TSNARE1: variants seen among roughly 807,000 people sequenced by gnomAD.
TSNARE1 encodes t-SNARE domain-containing protein 1.
TSNARE1 carries 49 observed loss-of-function variants against 62.0 expected under a neutral mutation model. The observed-to-expected ratio is 0.79, with a 90% CI of 0.63 to 1.00. The LOEUF is 1.00. Among genes scored for constraint, TSNARE1 ranks in the 50% least tolerant of loss-of-function variants. The pLI is 0.00. For synonymous variants in TSNARE1, 328 were observed against 294.4 expected (o/e 1.11, Z -1.17); for missense variants, 755 against 700.1 (o/e 1.08, Z -0.88).
chr8:142,282,964 ACTGT>A (rs1382633306), intron 11 of TSNARE1, among the ~76,000 whole-genome samples: 1 of 149,644 alleles, frequency 6.7e-6, no homozygotes, highest in African/African-American at 2.5e-5. Flanking sequence ...AGGGGAGGCC[ACTGT>A]CTGTCTAAGG....
intron 13 of TSNARE1, among the ~76,000 whole-genome samples, chr8:142,221,294 C>T (rs1182963379): frequency 5.9e-5 from 9 of 152,204 alleles, no homozygotes; most frequent in Non-Finnish European, 4.4e-5. Flanking sequence ...GGATAGCCAG[C>T]GCAAGTCTGC....
At chr8:142,324,473 C>T (rs932144717) in intron 6 of TSNARE1, among the ~76,000 whole-genome samples, 7 of 152,214 alleles carry the variant, frequency 4.6e-5, no homozygotes, top group African/African-American at 1.7e-4. Flanking sequence ...GGTGTGTCAC[C>T]TGAGGCCCAT....
At chr8:142,384,709 G>T (rs1032544869) in intron 1 of TSNARE1, among the ~76,000 whole-genome samples, 2 of 152,234 alleles carry the variant, frequency 1.3e-5, no homozygotes, top group South Asian at 4.1e-4. Context: ...AAAAGTAAAA[G>T]CTAAAATTAT....
In TSNARE1 at chr8:142,318,620, T is replaced by C. The variant is rs751660920; in HGVS notation, c.908A>G (p.Gln303Arg). The change falls in exon 7 of 14, where the codon CAG becomes CGG. Residue 303 changes from glutamine (Q) to arginine (R), a missense_variant. Coordinates refer to ENST00000524325, the MANE Select transcript of TSNARE1 (RefSeq NM_145003.5). The stretch of plus-strand genomic sequence containing the variant: ...GGCTGCAATGGTCTTGTTGGTCTCC[T>C]GCTGTGCCGTGTGCCTGGGGGCCGA... ...ELRDSLHTAQQETNKTIAASA... is the reference protein window; with the variant it reads ...ELRDSLHTAQRETNKTIAASA... The C allele has an allele frequency of 6.2e-7, 1 of 1,613,634 alleles. No individual in the cohort carries two copies. The highest frequency in any genetic ancestry group is 8.5e-7 in the Non-Finnish European group (1 of 1,179,970).
chr8:142,393,501 C>T (rs1053018516), intron 1 of TSNARE1, among the ~76,000 whole-genome samples: 9 of 152,246 alleles, frequency 5.9e-5, no homozygotes, highest in African/African-American at 2.2e-4. Context: ...GTGAAGAGTG[C>T]ACAGGATCTG....
chr8:142,214,857 C>A (rs547226361), intron 13 of TSNARE1, among the ~76,000 whole-genome samples: 1 of 152,190 alleles, frequency 6.6e-6, no homozygotes, highest in African/African-American at 2.4e-5. Context: ...CCAGCCCTGG[C>A]GGCACCCTGA....
At position 142,291,270 on chromosome 8, in the gene TSNARE1, G is replaced by A. The variant is rs1250496446; in HGVS notation, c.1291-6785C>T. Among the ~76,000 whole-genome samples the A allele has an allele frequency of 6.6e-6, 1 of 151,880 alleles. No individual in the cohort carries two copies. Among genetic ancestry groups the A allele is most frequent in the Non-Finnish European group, 1.5e-5 (1 of 68,002 alleles). On this transcript the variant is annotated intron_variant, in intron 10 of 13. Transcript: ENST00000524325. The surrounding 1 kb of genome is among the most constrained non-coding windows in gnomAD (Gnocchi z 4.8). ...CCAGCATCGCGGTGAGGATGGCCTT[G>A]TGCTGGAGTAGGGCACCTGGGCTCG...
upstream of TSNARE1, chr8:142,405,506 C>T (rs1378310404): frequency 6.6e-6 from 1 of 152,212 alleles, no homozygotes; most frequent in Non-Finnish European, 1.5e-5. Flanking sequence ...TTCCAGGTCC[C>T]AGAGGGAATG....
intron 12 of TSNARE1, chr8:142,272,763 G>A (rs1353454388): frequency 7.2e-5 from 70 of 975,232 alleles, no homozygotes; most frequent in Admixed American, 1.2e-4. Flanking sequence ...GACATTCTAC[G>A]CAGAGGCGAC....
At chr8:142,212,687 G>T (rs1175365541) in intron 13 of TSNARE1, among the ~76,000 whole-genome samples, 1 of 151,914 alleles carries the variant, frequency 6.6e-6, no homozygotes, top group Non-Finnish European at 1.5e-5. Context: ...GGCCCTGCCT[G>T]GCGCACCCAC....
intron 11 of TSNARE1, chr8:142,280,231 G>A (rs1821192150): frequency 1.0e-6 from 1 of 985,284 alleles, no homozygotes; most frequent in Non-Finnish European, 1.2e-6. Flanking sequence ...CGGCCGCAGG[G>A]GTGTGGAGCC....
chr8:142,318,095 C>T (rs1336400180), intron 7 of TSNARE1, among the ~76,000 whole-genome samples: 3 of 152,180 alleles, frequency 2.0e-5, no homozygotes, highest in African/African-American at 7.2e-5. Flanking sequence ...GCTTGAGGCC[C>T]ATGCGTCTGA....
intron 2 of TSNARE1, among the ~76,000 whole-genome samples, chr8:142,348,783 C>A (rs961512955): frequency 6.6e-6 from 1 of 152,104 alleles, no homozygotes; most frequent in Admixed American, 6.5e-5. Flanking sequence ...AGAGCTGGCC[C>A]GTGTGCATGG....
rs1563756044 is a variant in TSNARE1 at position 142,222,796 on chromosome 8, CCACTCACTCACTCATTCACT to C, written c.*11+6657_*11+6676del. ...CTCATCCACTCACTCACTCACTCAT[CCACTCACTCACTCATTCACT>C]CACTCACTCACTCATTCACTCACTC... On this transcript the variant is annotated intron_variant, in intron 13 of 13. Coordinates refer to ENST00000524325, the MANE Select transcript of TSNARE1 (RefSeq NM_145003.5). 5.2e-4 allele frequency among the ~76,000 whole-genome samples: 32 copies of C among 61,694 alleles called. 1 individual carries two copies. Among genetic ancestry groups the C allele is most frequent in the Admixed American group, 3.2e-4 (2 of 6,238 alleles). 40.5% of individuals were successfully genotyped at this position (61,694 alleles called of 152,430 possible).
intron 1 of TSNARE1, among the ~76,000 whole-genome samples, chr8:142,401,204 C>T (rs1206623809): frequency 6.6e-6 from 1 of 152,076 alleles, no homozygotes. Flanking sequence ...CTTACGTGTC[C>T]AGTGTATTTA....
chr8:142,222,820 TCACTC>T (rs1816458330), intron 13 of TSNARE1, among the ~76,000 whole-genome samples: 1 of 144,754 alleles, frequency 6.9e-6, no homozygotes, highest in Non-Finnish European at 1.5e-5. Flanking sequence ...ATTCACTCAC[TCACTC>T]ACTCATTCAC....
chr8:142,304,397 C>G (rs1826315201), intron 9 of TSNARE1, among the ~76,000 whole-genome samples: 1 of 152,254 alleles, frequency 6.6e-6, no homozygotes, highest in African/African-American at 2.4e-5. Context: ...CCACGCCCTT[C>G]TCTGGGCCTC....
intron 12 of TSNARE1, among the ~76,000 whole-genome samples, chr8:142,236,823 G>T (rs75160725): frequency 0.01 from 1,561 of 152,282 alleles, 28 homozygotes; most frequent in African/African-American, 0.035. Context: ...GGCTGTCCTA[G>T]GTGCTGGGGA....
At chr8:142,334,215 C>T (rs942186417) in intron 4 of TSNARE1, among the ~76,000 whole-genome samples, 2 of 152,230 alleles carry the variant, frequency 1.3e-5, no homozygotes, top group Non-Finnish European at 2.9e-5. Flanking sequence ...TTCTGTATGT[C>T]ACTTTCCTTT....
Sources: allele counts gnomAD v4.1 joint callset (sites outside exome capture counted in the v4.1 genomes callset), GRCh38; gene constraint gnomAD v4.1.1; non-coding constraint Gnocchi (gnomAD v3.1); transcripts MANE v1.5; gene names NCBI Gene and HGNC (gene_info 2026-07-23, HGNC 2026-07-21).